The following GOLGA6D variants were observed in gnomAD, a reference collection of about 807,000 sequenced individuals.
The protein encoded by GOLGA6D is golgin A6 family member D.
In GOLGA6D, 9 loss-of-function variants were observed where a neutral mutation model predicts 42.1. The observed-to-expected ratio is 0.21, with a 90% CI of 0.13 to 0.37. GOLGA6D has a LOEUF of 0.37. Among genes scored for constraint, GOLGA6D ranks in the 10% least tolerant of loss-of-function variants. The probability of loss-of-function intolerance (pLI) is 1.00; values close to 1 mark genes in which losing one functional copy is unlikely to be tolerated. For missense variants in GOLGA6D, 87 were observed against 420.8 expected (o/e 0.21, Z 6.94); for synonymous variants, 39 against 167.3 (o/e 0.23, Z 5.92).
chr15:75,277,937 A>G (rs2070831846), upstream of GOLGA6D, among the ~76,000 whole-genome samples: 1 of 133,268 alleles, frequency 7.5e-6, no homozygotes, highest in Non-Finnish European at 1.5e-5. Flanking sequence ...CATTGTATCT[A>G]TTGTTTCAAA....
intron 14 of GOLGA6D, among the ~76,000 whole-genome samples, 180 bp downstream of exon 14, chr15:75,293,344 A>C (rs1456218860): frequency 5.7e-5 from 8 of 140,418 alleles, no homozygotes; most frequent in Non-Finnish European, 9.1e-5. Context: ...CCCCAAGGGA[A>C]GGGGTTGTTC....
rs372736728 is a variant in GOLGA6D at position 75,293,323 on chromosome 15, A to G, written c.1593+159A>G. 2.6e-3 allele frequency among the ~76,000 whole-genome samples: 354 copies of G among 135,552 alleles called. 2 individuals carry two copies. Among genetic ancestry groups the G allele is most frequent in the African/African-American group, 7.3e-3 (238 of 32,808 alleles). 88.9% of individuals were successfully genotyped at this position (135,552 alleles called of 152,430 possible). A position where few individuals can be genotyped will look rare whatever the true frequency, so the allele number is the denominator to read the frequency against. Reference sequence around the variant, plus strand: ...TTTGTCACCTGTGACCAACAGGTGCACTCTCTGAGGCCCCAAGGGAAGGGG... The same window carrying G: ...TTTGTCACCTGTGACCAACAGGTGCGCTCTCTGAGGCCCCAAGGGAAGGGG... On this transcript the variant is annotated intron_variant, in intron 14 of 17. Coordinates refer to ENST00000434739, the MANE Select transcript of GOLGA6D (RefSeq NM_001145224.3).
At position 75,295,488 on chromosome 15, in the gene GOLGA6D, T is replaced by A. The variant is rs1227753662; in HGVS notation, c.*1013T>A. On this transcript the variant is annotated 3_prime_UTR_variant, in exon 18 of 18. Coordinates refer to ENST00000434739, the MANE Select transcript of GOLGA6D (RefSeq NM_001145224.3). ...GTTCATGTTACCTGTTTTAATCACA[T>A]GAGTATATGTCCCAGTACACAAAAG... 6 of 142,426 alleles carry A rather than the reference T, an allele frequency of 4.2e-5. No homozygotes were observed. Among genetic ancestry groups the A allele is most frequent in the South Asian group, 2.3e-4 (1 of 4,296 alleles). 8.8% of individuals were successfully genotyped at this position (142,426 alleles called of 1,614,324 possible).
At chr15:75,278,582 A>G (rs1362127549), upstream of GOLGA6D, among the ~76,000 whole-genome samples, 2 of 151,540 alleles carry the variant, frequency 1.3e-5, no homozygotes, top group Non-Finnish European at 2.9e-5. Context: ...GCTGGGAGCC[A>G]TGTGCAGACC....
intron 14 of GOLGA6D, 88 bp from the exon 15 acceptor site, chr15:75,293,641 G>C (rs2070885411): frequency 1.2e-6 from 1 of 823,594 alleles, no homozygotes; most frequent in Non-Finnish European, 2.0e-6. Context: ...GAAGCTGAAA[G>C]GGAGTGAGTC....
chr15:75,288,819 G>A (rs1331513703), intron 7 of GOLGA6D, among the ~76,000 whole-genome samples: 1 of 142,680 alleles, frequency 7.0e-6, no homozygotes, highest in Non-Finnish European at 1.5e-5. Context: ...GTAACAGGGT[G>A]CCTGGAGACA....
chr15:75,278,792 T>C (rs1220183162), upstream of GOLGA6D, among the ~76,000 whole-genome samples: 1 of 151,818 alleles, frequency 6.6e-6, no homozygotes, highest in African/African-American at 2.4e-5. Flanking sequence ...CAGTGTAGCA[T>C]AGATGGTTGT....
rs758152768 is a variant in GOLGA6D at position 75,294,407 on chromosome 15, G to A, written c.2014G>A (p.Gly672Ser). 8.8e-6 allele frequency: 14 copies of A among 1,599,616 alleles called. 1 individual carries two copies. In the East Asian group the frequency reaches 1.3e-4, roughly 15 times the overall value. ...GCCTGCACCAGGAGTGGCCAGGGAG[G>A]GTTCTCCCCATAACAACCCCACTGT... ...VEPAPGVARE[G>S]SPHNNPTVQQ... is the part of the protein sequence containing the mutation. The change falls in exon 18 of 18, where the codon GGT (glycine) becomes AGT (serine). Residue 672 changes from glycine to serine, a missense_variant. By Grantham distance (56) the Gly-to-Ser change is moderately conservative. Coordinates refer to ENST00000434739, the MANE Select transcript of GOLGA6D (RefSeq NM_001145224.3).
chr15:75,277,935 CTA>C (rs1384286243), upstream of GOLGA6D, among the ~76,000 whole-genome samples: 285 of 134,602 alleles, frequency 2.1e-3, no homozygotes, highest in African/African-American at 7.8e-3. Context: ...ATCATTGTAT[CTA>C]TTGTTTCAAA....
the GOLGA6D span, among the ~76,000 whole-genome samples, chr15:75,277,254 T>TC: frequency 2.3e-4 from 20 of 88,864 alleles, 4 homozygotes; most frequent in South Asian, 7.8e-4. Context: ...ATCCTGGTGT[T>TC]CCTCCCTGCA....
At chr15:75,278,989 G>C (rs1450501829), upstream of GOLGA6D, among the ~76,000 whole-genome samples, 1 of 148,554 alleles carries the variant, frequency 6.7e-6, no homozygotes, top group Non-Finnish European at 1.5e-5. Flanking sequence ...GACATGCACA[G>C]CAGCTTTCAC....
intron 4 of GOLGA6D, 88 bp from the exon 5 acceptor site, chr15:75,287,840 TG>T (rs2070858114): frequency 2.1e-6 from 2 of 933,426 alleles, no homozygotes; most frequent in Non-Finnish European, 3.4e-6. Flanking sequence ...GGGCCTGTCC[TG>T]GGGCATTGGT....
rs773647448 is a variant in GOLGA6D, at chr15:75,294,450, T to C, written c.2057T>C (p.Leu686Pro). The C allele has an allele frequency of 3.1e-6, 5 of 1,596,944 alleles. No individual in the cohort carries two copies. The South Asian group carries it at 4.4e-5, about 14-fold the overall frequency. The change falls in exon 18 of 18, where the codon CTG (leucine) becomes CCG (proline). Residue 686 changes from leucine (L) to proline (P), a missense_variant. Transcript: ENST00000434739. ...CCCACTGTACAGCAGATCGTGCAGC[T>C]GTCTCCTGTCATGCAGGACACCTAG... ...NNPTVQQIVQ[L>P]SPVMQDT
Position 75,294,653 on chromosome 15 carries a change from A to C in GOLGA6D, c.*178A>C, listed in dbSNP as rs2070897153. The stretch of plus-strand genomic sequence containing the variant: ...TTCATTTACTCCATTTGAATGCTAG[A>C]GCCACTCACTTTTATTTGTGTTTCT... On this transcript the variant is annotated 3_prime_UTR_variant, in exon 18 of 18. Coordinates refer to ENST00000434739, the MANE Select transcript of GOLGA6D (RefSeq NM_001145224.3). 2.0e-6 allele frequency: 2 copies of C among 999,390 alleles called. No individual in the cohort carries two copies. The highest frequency in any genetic ancestry group is 2.8e-6 in the Non-Finnish European group (2 of 723,702). 61.9% of individuals were successfully genotyped at this position (999,390 alleles called of 1,614,324 possible).
rs770809943 is a variant in GOLGA6D at position 75,294,361 on chromosome 15, G to A, written c.1968G>A (p.Val656=). 1.3e-6 allele frequency: 2 copies of A among 1,597,102 alleles called. No individual in the cohort carries two copies. Among genetic ancestry groups the A allele is most frequent in the Non-Finnish European group, 1.7e-6 (2 of 1,177,784 alleles). ...CTCTCTCCGAAGTTTTTTATGAAGTGAGCCTGGACAACAACGTGGAGCCTG... is the reference window on the plus strand; with the variant it reads ...CTCTCTCCGAAGTTTTTTATGAAGTAAGCCTGGACAACAACGTGGAGCCTG... ...AAGEQDVFYE[V]SLDNNVEPAP... is the part of the protein sequence containing the mutation. The change falls in exon 18 of 18, where the codon GTG becomes GTA. Residue 656 remains valine (V), a synonymous_variant. Coordinates refer to ENST00000434739, the MANE Select transcript of GOLGA6D (RefSeq NM_001145224.3).
At chr15:75,293,193 GCCACCTT>G (rs1311837912) in intron 14 of GOLGA6D, 29 bp downstream of exon 14, 1 of 1,602,328 alleles carries the variant, frequency 6.2e-7, no homozygotes, top group African/African-American at 1.4e-5. Context: ...GCCCCACTTT[GCCACCTT>G]CCTCTGTGGT....
upstream of GOLGA6D, among the ~76,000 whole-genome samples, chr15:75,278,999 C>T (rs1315812644): frequency 5.4e-5 from 8 of 148,428 alleles, 1 homozygote; most frequent in Non-Finnish European, 8.9e-5. Flanking sequence ...GCAGCTTTCA[C>T]TGTAAGTCCT....
At position 75,294,353 on chromosome 15, in the gene GOLGA6D, T is replaced by A. The variant is rs777448361; in HGVS notation, c.1960T>A (p.Tyr654Asn). The A allele has an allele frequency of 1.3e-5, 20 of 1,596,158 alleles. 1 individual carries two copies. Among genetic ancestry groups the A allele is most frequent in the Non-Finnish European group, 1.6e-5 (19 of 1,177,792 alleles). Residue 654 changes from tyrosine (Y) to asparagine (N), a missense_variant, in exon 18 of 18, where the codon TAT (tyrosine) becomes AAT (asparagine). Transcript: ENST00000434739. ...LGAAGEQDVF[Y>N]EVSLDNNVEP... ...CCGCCTCCCTCTCTCCGAAGTTTTTTATGAAGTGAGCCTGGACAACAACGT... is the reference window on the plus strand; with the variant it reads ...CCGCCTCCCTCTCTCCGAAGTTTTTAATGAAGTGAGCCTGGACAACAACGT...
At chr15:75,276,445 T>C in the GOLGA6D span, among the ~76,000 whole-genome samples, 3 of 142,142 alleles carry the variant, frequency 2.1e-5, no homozygotes, top group Admixed American at 7.6e-5. Flanking sequence ...ACGTGCCCCC[T>C]CCCTAAAGCC....
Sources: gnomAD v4.1 joint callset for allele counts (sites outside exome capture counted in the v4.1 genomes callset) on GRCh38, gnomAD v4.1.1 for gene constraint, MANE v1.5 for transcripts, NCBI Gene and HGNC (gene_info 2026-07-23, HGNC 2026-07-21) for gene names.